The following PGLYRP3 variants were observed in gnomAD, a reference collection of about 807,000 sequenced individuals.
PGLYRP3 encodes the protein peptidoglycan recognition protein 3.
In PGLYRP3, 39 loss-of-function variants were observed where a neutral mutation model predicts 36.0. The ratio of observed to expected loss-of-function variants is 1.08; its 90% CI spans 0.84 to 1.41. The LOEUF (loss-of-function observed/expected upper bound fraction) is 1.41. Ranked by LOEUF, PGLYRP3 falls within the 40% of genes most tolerant of loss-of-function variation. PGLYRP3 has a pLI of 0.00. For synonymous variants in PGLYRP3, 204 were observed against 172.8 expected (o/e 1.18, Z -1.42); for missense variants, 407 against 427.9 (o/e 0.95, Z 0.43).
At chr1:153,305,119 T>C (rs1326329897) in intron 3 of PGLYRP3, 54 bp from the exon 4 acceptor site, 1 of 1,436,442 alleles carries the variant, frequency 7.0e-7, no homozygotes, top group Non-Finnish European at 9.6e-7. Context: ...TGAAAACCTC[T>C]CACTGATCCT....
intron 1 of PGLYRP3, among the ~76,000 whole-genome samples, 39 bp downstream of exon 1, chr1:153,312,602 TAC>T (rs3840431): frequency 1.2e-3 from 185 of 150,006 alleles, no homozygotes; most frequent in Middle Eastern, 7.0e-3. Flanking sequence ...TCTAAAGAAA[TAC>T]ACACACACAC....
At chr1:153,309,457 G>C (rs1377929871) in intron 2 of PGLYRP3, among the ~76,000 whole-genome samples, 1 of 152,192 alleles carries the variant, frequency 6.6e-6, no homozygotes, top group Non-Finnish European at 1.5e-5. Context: ...CCTCCCCAAA[G>C]TTGTCAGATG....
intron 1 of PGLYRP3, among the ~76,000 whole-genome samples, chr1:153,310,928 T>A (rs1407537654): frequency 6.6e-6 from 1 of 152,148 alleles, no homozygotes; most frequent in Non-Finnish European, 1.5e-5. Context: ...CACCTCCTGT[T>A]GCCCTGGGCA....
In PGLYRP3 at chr1:153,297,452, G is replaced by A. The variant is rs1447924719; in HGVS notation, c.*504C>T. Reference sequence around the variant, plus strand: ...CACCAGGCAGAGGCGGGGAGAGGGGGAGAGAGAGAGAGAGAGAGAGAGAGT... The same window carrying A: ...CACCAGGCAGAGGCGGGGAGAGGGGAAGAGAGAGAGAGAGAGAGAGAGAGT... On this transcript the variant is annotated 3_prime_UTR_variant, in exon 8 of 8. Coordinates refer to ENST00000683862, the MANE Select transcript of PGLYRP3 (RefSeq NM_052891.3). Among the ~76,000 whole-genome samples the A allele has an allele frequency of 3.4e-5, 1 of 29,446 alleles. No individual in the cohort carries two copies. The highest frequency in any genetic ancestry group is 3.6e-4 in the East Asian group (1 of 2,762). The allele number at this position is 29,446 out of a possible 152,430, so 19.3% of individuals were successfully genotyped here. A position where few individuals can be genotyped will look rare whatever the true frequency, so the allele number is the denominator to read the frequency against.
rs756935845 is a variant in PGLYRP3 at position 153,298,010 on chromosome 1, G to A, written c.972C>T (p.Ser324=). The A allele has an allele frequency of 1.9e-6, 3 of 1,613,970 alleles. No individual in the cohort carries two copies. In the Admixed American group the frequency reaches 5.0e-5, roughly 27 times the overall value. ...MGHSDVVNIL[S]PGQALYNIIS... ...TGATGTTATACAAAGCCTGCCCAGG[G>A]GACAGGATGTTGACCACGTCACTGT... The change falls in exon 8 of 8, where the codon TCC becomes TCT. Residue 324 remains serine, a synonymous_variant. Coordinates refer to ENST00000683862, the MANE Select transcript of PGLYRP3 (RefSeq NM_052891.3).
rs1659762512 is a variant in PGLYRP3 at position 153,307,184 on chromosome 1, T to G, written c.139A>C (p.Ile47Leu). The G allele has an allele frequency of 6.2e-7, 1 of 1,612,284 alleles. No individual in the cohort carries two copies. The highest frequency in any genetic ancestry group is 1.1e-5 in the South Asian group (1 of 90,566). The change falls in exon 3 of 8, where the codon ATC becomes CTC. Residue 47 changes from isoleucine (I) to leucine (L), a missense_variant. Ile to Leu is a conservative substitution (Grantham distance 5, BLOSUM62 2). Coordinates refer to ENST00000683862, the MANE Select transcript of PGLYRP3 (RefSeq NM_052891.3). ...ATCCCTGGGAGCTGGTCTGTGATGATGTAGGCCACAGGCAGGGTCAGCAGG... is the reference window on the plus strand; with the variant it reads ...ATCCCTGGGAGCTGGTCTGTGATGAGGTAGGCCACAGGCAGGGTCAGCAGG... ...RALLTLPVAY[I>L]ITDQLPGMQC... is the part of the protein sequence containing the mutation.
At chr1:153,309,606 A>G (rs1451225795) in intron 2 of PGLYRP3, among the ~76,000 whole-genome samples, 2 of 152,208 alleles carry the variant, frequency 1.3e-5, no homozygotes, top group East Asian at 1.9e-4. Flanking sequence ...CCCAAGTCCA[A>G]GGTGTGCTGG....
chr1:153,310,943 C>G (rs934975720), intron 1 of PGLYRP3, among the ~76,000 whole-genome samples: 1 of 152,158 alleles, frequency 6.6e-6, no homozygotes, highest in African/African-American at 2.4e-5. Context: ...TGGGCAACTC[C>G]TGGTTCCTCA....
chr1:153,299,176 C>T lies in PGLYRP3; in HGVS notation c.784G>A (p.Gly262Ser). The stretch of plus-strand genomic sequence containing the variant: ...TCGTTGAATCCATAAGTGTGAGAGC[C>T]TTGGATGTGCCATCCAACCCCTTCA... ...VYEGVGWHIQ[G>S]SHTYGFNDIA... Residue 262 changes from glycine (G) to serine (S), a missense_variant, in exon 7 of 8, where the codon GGC (glycine) becomes AGC (serine). Gly to Ser is a moderately conservative substitution (Grantham distance 56, BLOSUM62 0). Coordinates refer to ENST00000683862, the MANE Select transcript of PGLYRP3 (RefSeq NM_052891.3). 6.2e-7 allele frequency: 1 copy of T among 1,614,038 alleles called. No individual in the cohort carries two copies. Among genetic ancestry groups the T allele is most frequent in the Non-Finnish European group, 8.5e-7 (1 of 1,180,004 alleles).
chr1:153,308,786 C>T (rs1659821520), intron 2 of PGLYRP3, among the ~76,000 whole-genome samples: 1 of 152,206 alleles, frequency 6.6e-6, no homozygotes, highest in African/African-American at 2.4e-5. Context: ...AGTCTCTGGC[C>T]TTGGCCTGCC....
intron 5 of PGLYRP3, 33 bp from the exon 6 acceptor site, chr1:153,302,640 A>T: frequency 6.2e-7 from 1 of 1,608,434 alleles, no homozygotes; most frequent in Non-Finnish European, 8.5e-7. Context: ...GGAAGTAGGA[A>T]TTTTTTTTGC....
rs143645758 is a variant in PGLYRP3, at chr1:153,310,235, T to C, written c.55+376A>G. On this transcript the variant is annotated intron_variant, in intron 2 of 7. Transcript: ENST00000683862. ...AAGTGCTGGGTTTAACTATGACTGG[T>C]ATAATAACGATGGTGACAATAATTA... is the stretch of plus-strand genomic sequence containing the variant. Among the ~76,000 whole-genome samples, 957 of 152,334 alleles carry C rather than the reference T, an allele frequency of 6.3e-3. 14 individuals are homozygous for C. Among genetic ancestry groups the C allele is most frequent in the South Asian group, 0.037 (178 of 4,822 alleles).
chr1:153,307,354 C>G lies in PGLYRP3; in HGVS notation c.56-87G>C. On this transcript the variant is annotated intron_variant, in intron 2 of 7. Coordinates refer to ENST00000683862, the MANE Select transcript of PGLYRP3 (RefSeq NM_052891.3). ...ACCATGTGCCCTGACCTCTCATGCT[C>G]AGGCCCGACCTGCCCCATGCATGGG... 60 of 1,300,516 alleles carry G rather than the reference C, an allele frequency of 4.6e-5. 2 individuals carry two copies. The highest frequency in any genetic ancestry group is 6.4e-5 in the Non-Finnish European group (60 of 934,594). The allele number at this position is 1,300,516 out of a possible 1,614,324, so 80.6% of individuals were successfully genotyped here.
Position 153,307,467 on chromosome 1 carries a change from G to A in PGLYRP3, c.56-200C>T, listed in dbSNP as rs976964664. Among the ~76,000 whole-genome samples, 3 of 152,078 alleles carry A rather than the reference G, an allele frequency of 2.0e-5. No homozygotes were observed. In the East Asian group the frequency reaches 5.8e-4, roughly 29 times the overall value. Reference sequence around the variant, plus strand: ...ACTGCCCAGACACACGCTGCACTCAGCCTGGGAAGTCGTGCCGCCTTGTTC... The same window carrying A: ...ACTGCCCAGACACACGCTGCACTCAACCTGGGAAGTCGTGCCGCCTTGTTC... On this transcript the variant is annotated intron_variant, in intron 2 of 7. Transcript: ENST00000683862.
chr1:153,303,741 A>G (rs1042200291), intron 5 of PGLYRP3, 116 bp downstream of exon 5: 2 of 1,226,506 alleles, frequency 1.6e-6, no homozygotes, highest in Non-Finnish European at 2.2e-6. Context: ...TAGGCATGAG[A>G]TGTTCTTAGT....
intron 6 of PGLYRP3, among the ~76,000 whole-genome samples, chr1:153,300,887 A>C (rs1214559260): frequency 1.3e-5 from 2 of 152,130 alleles, no homozygotes; most frequent in Admixed American, 1.3e-4. Flanking sequence ...TACACTCTCA[A>C]ATAAAATACT....
In PGLYRP3 at chr1:153,298,067, C is replaced by T. The variant is rs766584893; in HGVS notation, c.915G>A (p.Gly305=). The change falls in exon 8 of 8, where the codon GGG becomes GGA. Residue 305 remains glycine (G), a synonymous_variant. Transcript: ENST00000683862. ...TCAGCAGGTAGTTTGGAGTCAGGTA[C>T]CCCTCAACCACGGCACACTGGATCA... ...QDLIQCAVVE[G]YLTPNYLLMG... is the part of the protein sequence containing the mutation. 1 of 1,614,032 alleles carries T rather than the reference C, an allele frequency of 6.2e-7. No individual in the cohort carries two copies. The highest frequency in any genetic ancestry group is 1.7e-5 in the Admixed American group (1 of 59,998).
intron 3 of PGLYRP3, 94 bp from the exon 4 acceptor site, chr1:153,305,159 A>G (rs1234649065): frequency 1.0e-6 from 1 of 952,438 alleles, no homozygotes; most frequent in Non-Finnish European, 1.6e-6. Flanking sequence ...GGAGGCTCAT[A>G]AGTAAGTACT....
intron 7 of PGLYRP3, among the ~76,000 whole-genome samples, chr1:153,298,575 G>A (rs1659505127): frequency 6.6e-6 from 1 of 152,126 alleles, no homozygotes; most frequent in Non-Finnish European, 1.5e-5. Flanking sequence ...CCCGGGAAGT[G>A]GAGCTTGCAG....
Sources: gnomAD v4.1 joint callset for allele counts (sites outside exome capture counted in the v4.1 genomes callset) on GRCh38, gnomAD v4.1.1 for gene constraint, MANE v1.5 for transcripts, NCBI Gene and HGNC (gene_info 2026-07-23, HGNC 2026-07-21) for gene names.